The following CA5A variants were observed in gnomAD, a reference collection of about 807,000 sequenced individuals.
CA5A encodes carbonic anhydrase 5A.
A neutral mutation model predicts 37.1 loss-of-function variants in CA5A; 28 were observed. The observed-to-expected ratio is 0.75, with a 90% CI of 0.56 to 1.03. The LOEUF is 1.03. Among genes scored for constraint, CA5A ranks in the 50% least tolerant of loss-of-function variants. The pLI is 0.00. For missense variants in CA5A, 444 were observed against 399.9 expected (o/e 1.11, Z -0.94); for synonymous variants, 171 against 158.4 (o/e 1.08, Z -0.60).
chr16:87,916,877 A>G lies in CA5A; in HGVS notation c.340+9871T>C, dbSNP rs1597573118. On this transcript the variant is annotated intron_variant, in intron 2 of 6. Coordinates refer to ENST00000649794, the MANE Select transcript of CA5A (RefSeq NM_001739.2). ...CAGCACTTTGGGAGGCCGAGGCAGG[A>G]GGATCACGAGGTCAGGAGATCGAGG... Among the ~76,000 whole-genome samples the G allele has an allele frequency of 2.6e-5, 4 of 152,152 alleles. No individual in the cohort carries two copies. The East Asian group carries it at 7.8e-4, about 30-fold the overall frequency.
chr16:87,904,708 T>A, intron 3 of CA5A, 78 bp downstream of exon 3: 1 of 883,834 alleles, frequency 1.1e-6, no homozygotes, highest in Middle Eastern at 2.3e-4. Context: ...GCGGCGCGCA[T>A]GGCTTGTTCA....
chr16:87,915,511 A>G (rs529436330), intron 2 of CA5A, among the ~76,000 whole-genome samples: 17 of 147,236 alleles, frequency 1.2e-4, no homozygotes, highest in South Asian at 4.3e-4. Context: ...CAACAGTACC[A>G]GATCCTGTGT....
intron 1 of CA5A, among the ~76,000 whole-genome samples, 158 bp from the exon 2 acceptor site, chr16:87,927,103 C>T (rs900860503): frequency 6.6e-6 from 1 of 152,258 alleles, no homozygotes; most frequent in Non-Finnish European, 1.5e-5. Flanking sequence ...TGCGCAGCGA[C>T]GCACGCCCAC....
chr16:87,903,147 C>A (rs1332626959), intron 3 of CA5A, among the ~76,000 whole-genome samples: 1 of 151,470 alleles, frequency 6.6e-6, no homozygotes, highest in Admixed American at 6.6e-5. Flanking sequence ...GAAACTCAGG[C>A]CTCGGCTGGG....
chr16:87,911,398 C>T lies in CA5A; in HGVS notation c.341-6494G>A, dbSNP rs1300368142. Among the ~76,000 whole-genome samples, 1 of 152,154 alleles carries T rather than the reference C, an allele frequency of 6.6e-6. No homozygotes were observed. The highest frequency in any genetic ancestry group is 1.5e-5 in the Non-Finnish European group (1 of 68,040). On this transcript the variant is annotated intron_variant, in intron 2 of 6. Transcript: ENST00000649794. This position sits in a 1 kb window ranked among gnomAD's most constrained non-coding sequence, Gnocchi z 4.6. ...ATTGTCTCTGCTATTACAACAGATG[C>T]TGTTAATAGCCATCTATTTGTAGTT...
intron 2 of CA5A, among the ~76,000 whole-genome samples, chr16:87,922,202 C>T (rs4076745): frequency 0.056 from 8,389 of 150,680 alleles, 756 homozygotes; most frequent in African/African-American, 0.2. Context: ...TGTTTGTCAG[C>T]CCCCCATAAA....
chr16:87,923,557 G>A (rs1185761235), intron 2 of CA5A: 2 of 985,226 alleles, frequency 2.0e-6, no homozygotes, highest in Non-Finnish European at 2.4e-6. Flanking sequence ...GGATTCCCCT[G>A]GGGCCCCCTG....
chr16:87,926,869 G>C lies in CA5A; in HGVS notation c.219C>G (p.Asp73Glu), dbSNP rs1213799028. ...GCTTCAGCTGGGGGTCATAGACGCT[G>C]TCCCTCCACTGGATGTTAATAGGAG... ...RQSPINIQWR[D>E]SVYDPQLKPL... is the part of the protein sequence containing the mutation. The change falls in exon 2 of 7, where the codon GAC becomes GAG. Residue 73 changes from aspartate to glutamate, a missense_variant. Asp to Glu is a conservative substitution (Grantham distance 45, BLOSUM62 2). Transcript: ENST00000649794. The C allele has an allele frequency of 6.2e-7, 1 of 1,612,896 alleles. No individual in the cohort carries two copies. Among genetic ancestry groups the C allele is most frequent in the East Asian group, 2.2e-5 (1 of 44,870 alleles).
intron 1 of CA5A, among the ~76,000 whole-genome samples, chr16:87,932,060 G>T (rs1030686938): frequency 6.6e-6 from 1 of 151,338 alleles, no homozygotes; most frequent in Non-Finnish European, 1.5e-5. Flanking sequence ...GTTGCAGTGA[G>T]CTGAGATTGC....
intron 2 of CA5A, among the ~76,000 whole-genome samples, chr16:87,916,182 C>CA (rs72055887): frequency 0.2 from 28,331 of 143,970 alleles, 3,785 homozygotes; most frequent in Non-Finnish European, 0.28. Flanking sequence ...AAAAAAAAAA[C>CA]AAAAAACCAT....
chr16:87,894,400 G>A (rs2143915076), intron 5 of CA5A, among the ~76,000 whole-genome samples: 1 of 152,214 alleles, frequency 6.6e-6, no homozygotes, highest in Admixed American at 6.5e-5. Context: ...GGCCTTCCAA[G>A]GTGGAAGCTG....
At chr16:87,884,248 T>C (rs2055630673), downstream of CA5A, 1 of 113,010 alleles carries the variant, frequency 8.8e-6, no homozygotes. Context: ...AAACCGAATC[T>C]CTACTAAAAA....
chr16:87,935,560 C>T (rs756669318), intron 1 of CA5A, among the ~76,000 whole-genome samples: 11 of 152,106 alleles, frequency 7.2e-5, no homozygotes, highest in Non-Finnish European at 1.5e-4. Context: ...AAATGATTCA[C>T]CCAAGGTCAC....
chr16:87,917,614 T>C (rs568494011), intron 2 of CA5A, among the ~76,000 whole-genome samples: 3 of 150,172 alleles, frequency 2.0e-5, no homozygotes, highest in Non-Finnish European at 4.4e-5. Flanking sequence ...ACCACACATG[T>C]GCACACACAA....
intron 2 of CA5A, chr16:87,924,174 T>G: frequency 1.0e-6 from 1 of 985,434 alleles, no homozygotes; most frequent in Non-Finnish European, 1.2e-6. Flanking sequence ...GCTGGTCTTG[T>G]CCTTCCAAGA....
chr16:87,886,146 T>TTTG (rs2055646204), downstream of CA5A: 1 of 147,942 alleles, frequency 6.8e-6, no homozygotes, highest in South Asian at 2.2e-4. Context: ...GGATCAAGTT[T>TTTG]TTTTTTTTTT....
At chr16:87,913,373 C>T (rs4843278) in intron 2 of CA5A, among the ~76,000 whole-genome samples, 1 of 149,922 alleles carries the variant, frequency 6.7e-6, no homozygotes, top group Non-Finnish European at 1.5e-5. Context: ...TGTGATCATG[C>T]CTCACTGCAG....
chr16:87,920,419 T>G (rs1318171663), intron 2 of CA5A, among the ~76,000 whole-genome samples: 9 of 152,036 alleles, frequency 5.9e-5, no homozygotes, highest in African/African-American at 2.2e-4. Context: ...TTCAAGCAAT[T>G]CTGCCTCAGC....
intron 2 of CA5A, among the ~76,000 whole-genome samples, chr16:87,910,525 C>G (rs2056035395): frequency 6.6e-6 from 1 of 152,126 alleles, no homozygotes. Flanking sequence ...CTTGCCTTGC[C>G]AGTAAAGTTA....
Sources: gnomAD v4.1 joint callset for allele counts (sites outside exome capture counted in the v4.1 genomes callset) on GRCh38, gnomAD v4.1.1 for gene constraint, Gnocchi (gnomAD v3.1) non-coding constraint, MANE v1.5 for transcripts, NCBI Gene and HGNC (gene_info 2026-07-23, HGNC 2026-07-21) for gene names.